Variants in ZNF704 observed in about 807,000 individuals in gnomAD.
ZNF704 encodes zinc finger protein 704.
Under a neutral mutation model 44.7 loss-of-function variants are expected in ZNF704, and 10 were observed. The ratio of observed to expected loss-of-function variants is 0.22; its 90% CI spans 0.14 to 0.38. The LOEUF (loss-of-function observed/expected upper bound fraction) is 0.38, where lower values mean the gene tolerates loss of function less well. Ranked by LOEUF, ZNF704 falls within the 10% of genes least tolerant of loss-of-function variation. The pLI is 1.00. For missense variants in ZNF704, 390 were observed against 545.5 expected (o/e 0.71, Z 2.84); for synonymous variants, 211 against 207.6 (o/e 1.02, Z -0.14).
chr8:80,697,006 A>G (rs1818737080), intron 2 of ZNF704, among the ~76,000 whole-genome samples: 1 of 152,212 alleles, frequency 6.6e-6, no homozygotes, highest in African/African-American at 2.4e-5. Context: ...GAGATACTCA[A>G]TCTGTAACAG....
At position 80,854,796 on chromosome 8, in the gene ZNF704, A is replaced by G. The variant is rs113859071; in HGVS notation, c.-22+19775T>C. 5.3e-3 allele frequency among the ~76,000 whole-genome samples: 804 copies of G among 152,308 alleles called. 6 individuals are homozygous for G. Among genetic ancestry groups the G allele is most frequent in the African/African-American group, 0.018 (758 of 41,572 alleles). ...ATGAAAACTGTAATATGCATTCTGT[A>G]CTTTCACTACCCTTGCAGTTGTCAT... is the stretch of plus-strand genomic sequence containing the variant. On this transcript the variant is annotated intron_variant, in intron 1 of 8. Transcript: ENST00000327835.
Position 80,730,054 on chromosome 8 carries a change from A to G in ZNF704, c.222-36947T>C, listed in dbSNP as rs115904348. Among the ~76,000 whole-genome samples the G allele has an allele frequency of 5.4e-3, 821 of 152,328 alleles. 6 individuals carry two copies. Among genetic ancestry groups the G allele is most frequent in the African/African-American group, 0.019 (790 of 41,578 alleles). On this transcript the variant is annotated intron_variant, in intron 2 of 8. Coordinates refer to ENST00000327835, the MANE Select transcript of ZNF704 (RefSeq NM_001033723.3). Reference sequence around the variant, plus strand: ...ATGAACAACACCAACACCTATGCATAGGTGGACGGAAACAGAACACACCTG... The same window carrying G: ...ATGAACAACACCAACACCTATGCATGGGTGGACGGAAACAGAACACACCTG...
intron 1 of ZNF704, among the ~76,000 whole-genome samples, chr8:80,870,928 C>G (rs545509797): frequency 6.6e-6 from 1 of 152,292 alleles, no homozygotes; most frequent in South Asian, 2.1e-4. Flanking sequence ...GATTTTTGTT[C>G]TCTCGGTTTT....
chr8:80,824,842 G>A (rs951598430), intron 1 of ZNF704, among the ~76,000 whole-genome samples: 7 of 152,052 alleles, frequency 4.6e-5, no homozygotes, highest in African/African-American at 1.2e-4. Context: ...TAAGTGAAGG[G>A]GAAATAAAAT....
intron 1 of ZNF704, among the ~76,000 whole-genome samples, chr8:80,845,699 C>G (rs1808757299): frequency 6.6e-6 from 1 of 152,078 alleles, no homozygotes; most frequent in South Asian, 2.1e-4. Flanking sequence ...CCAAATACCC[C>G]CAAACAGAGG....
At chr8:80,685,411 T>C (rs1223924323) in intron 4 of ZNF704, among the ~76,000 whole-genome samples, 1 of 152,128 alleles carries the variant, frequency 6.6e-6, no homozygotes, top group Non-Finnish European at 1.5e-5. Flanking sequence ...TGAGTCCTTG[T>C]CACAACCCTG....
At chr8:80,670,986 C>T (rs555066599) in intron 4 of ZNF704, among the ~76,000 whole-genome samples, 99 of 152,280 alleles carry the variant, frequency 6.5e-4, no homozygotes, top group African/African-American at 1.8e-3. Flanking sequence ...ATTTTACAGA[C>T]GCATAGAAAG....
At chr8:80,641,540 C>A in intron 8 of ZNF704, 63 bp from the exon 9 acceptor site, 3 of 975,608 alleles carry the variant, frequency 3.1e-6, no homozygotes, top group Non-Finnish European at 1.5e-6. Context: ...CTATGGAGAG[C>A]TCAAAAATCC....
chr8:80,687,261 G>A lies in ZNF704; in HGVS notation c.523C>T (p.Leu175=). 6.2e-7 allele frequency: 1 copy of A among 1,612,940 alleles called. No individual in the cohort carries two copies. The highest frequency in any genetic ancestry group is 8.5e-7 in the Non-Finnish European group (1 of 1,179,592). Residue 175 remains leucine, a synonymous_variant, in exon 4 of 9, where the codon CTG becomes TTG. Coordinates refer to ENST00000327835, the MANE Select transcript of ZNF704 (RefSeq NM_001033723.3). ...CTGGGAATGGGCTCGTCGAAGAGCA[G>A]GTTGCTGGCCTCCGCCTCGTCGATG... is the stretch of plus-strand genomic sequence containing the variant. ...DGIDEAEASN[L]LFDEPIPRKR...
chr8:80,866,574 C>T (rs1357904662), intron 1 of ZNF704, among the ~76,000 whole-genome samples: 2 of 152,166 alleles, frequency 1.3e-5, no homozygotes, highest in Admixed American at 6.5e-5. Flanking sequence ...CACAGGGCAA[C>T]TAAAAGTCAA....
intron 3 of ZNF704, among the ~76,000 whole-genome samples, chr8:80,690,716 G>C (rs182736975): frequency 1.2e-4 from 18 of 152,198 alleles, no homozygotes; most frequent in African/African-American, 4.8e-5. Context: ...GCTATATAAA[G>C]AGGAGGTGTC....
Position 80,637,084 on chromosome 8 carries a change from TG to T in ZNF704, c.*4281del, listed in dbSNP as rs1473511258. 2 of 136,324 alleles carry T rather than the reference TG, an allele frequency of 1.5e-5. No individual in the cohort carries two copies. Among genetic ancestry groups the T allele is most frequent in the Non-Finnish European group, 3.2e-5 (2 of 63,486 alleles). The allele number at this position is 136,324 out of a possible 1,614,324, so 8.4% of individuals were successfully genotyped here. A position where few individuals can be genotyped will look rare whatever the true frequency, so the allele number is the denominator to read the frequency against. On this transcript the variant is annotated 3_prime_UTR_variant, in exon 9 of 9. Coordinates refer to ENST00000327835, the MANE Select transcript of ZNF704 (RefSeq NM_001033723.3). ...CCCCCACCCCCAGGCATTGCACCTG[TG>T]GTTCAAATGTTAGCCTTAGGCTACA...
intron 2 of ZNF704, among the ~76,000 whole-genome samples, chr8:80,795,382 C>T (rs1807781203): frequency 6.6e-6 from 1 of 152,130 alleles, no homozygotes; most frequent in African/African-American, 2.4e-5. Context: ...GATACTTAGA[C>T]TGTCATCCAA....
chr8:80,804,130 A>G (rs539261139), intron 2 of ZNF704, among the ~76,000 whole-genome samples: 1 of 152,356 alleles, frequency 6.6e-6, no homozygotes, highest in Non-Finnish European at 1.5e-5. Flanking sequence ...CCATAATGAG[A>G]TACCATCTTA....
chr8:80,759,741 C>T (rs1327970808), intron 2 of ZNF704, among the ~76,000 whole-genome samples: 3 of 152,168 alleles, frequency 2.0e-5, no homozygotes, highest in Non-Finnish European at 2.9e-5. Context: ...CCAGATGATA[C>T]TCCAGCCCTG....
chr8:80,801,904 T>C lies in ZNF704; in HGVS notation c.221+19470A>G, dbSNP rs377399994. On this transcript the variant is annotated intron_variant, in intron 2 of 8. Coordinates refer to ENST00000327835, the MANE Select transcript of ZNF704 (RefSeq NM_001033723.3). ...CCAGGAGCTGGTTTTTTGAAAAAAC[T>C]AATAAAATGGATAGATGGCCAGGCC... 9.9e-5 allele frequency among the ~76,000 whole-genome samples: 15 copies of C among 151,896 alleles called. 1 individual carries two copies. The highest frequency in any genetic ancestry group is 3.6e-4 in the African/African-American group (15 of 41,472).
chr8:80,668,411 C>G (rs1818228416), intron 5 of ZNF704, among the ~76,000 whole-genome samples: 1 of 152,218 alleles, frequency 6.6e-6, no homozygotes, highest in Non-Finnish European at 1.5e-5. Flanking sequence ...GGCTGAGGCG[C>G]CTGGGGAGGT....
chr8:80,827,437 G>A (rs896010124), intron 1 of ZNF704, among the ~76,000 whole-genome samples: 1 of 152,112 alleles, frequency 6.6e-6, no homozygotes, highest in African/African-American at 2.4e-5. Context: ...CAAACAAATG[G>A]AAGAATATTC....
intron 2 of ZNF704, among the ~76,000 whole-genome samples, chr8:80,804,714 T>C (rs899697213): frequency 1.6e-4 from 24 of 152,176 alleles, no homozygotes; most frequent in African/African-American, 4.3e-4. Context: ...TCAGGAAGAA[T>C]AGTTAATGGA....
Sources: allele counts gnomAD v4.1 joint callset (sites outside exome capture counted in the v4.1 genomes callset), GRCh38; gene constraint gnomAD v4.1.1; transcripts MANE v1.5; gene names NCBI Gene and HGNC (gene_info 2026-07-23, HGNC 2026-07-21).